The following SPATA6 variants were observed in gnomAD, a reference collection of about 807,000 sequenced individuals.
SPATA6 encodes spermatogenesis associated 6.
Under a neutral mutation model 65.3 loss-of-function variants are expected in SPATA6, and 56 were observed. The observed-to-expected ratio is 0.86, with a 90% CI of 0.69 to 1.07. The LOEUF (loss-of-function observed/expected upper bound fraction) is 1.07, where lower values mean the gene tolerates loss of function less well. Ranked by LOEUF, SPATA6 falls within the 50% of genes least tolerant of loss-of-function variation. The probability of loss-of-function intolerance (pLI) is 0.00; values close to 1 mark genes in which losing one functional copy is unlikely to be tolerated. For missense variants in SPATA6, 590 were observed against 594.8 expected, an observed-to-expected ratio of 0.99 and a Z score of 0.08; for synonymous variants, 199 against 213.2, an observed-to-expected ratio of 0.93 and a Z score of 0.58.
chr1:48,308,510 A>C (rs1279118805), intron 11 of SPATA6, among the ~76,000 whole-genome samples: 1 of 152,098 alleles, frequency 6.6e-6, no homozygotes. Flanking sequence ...TATTTAGCCT[A>C]TCTTTTATAT....
intron 5 of SPATA6, among the ~76,000 whole-genome samples, chr1:48,406,005 GTTCCT>G (rs1651669830): frequency 6.6e-6 from 1 of 152,050 alleles, no homozygotes; most frequent in South Asian, 2.1e-4. Context: ...CTGAGGTGTA[GTTCCT>G]TATGTACAGC....
At chr1:48,283,125 T>C in the SPATA6 span, among the ~76,000 whole-genome samples, 11 of 135,146 alleles carry the variant, frequency 8.1e-5, no homozygotes, top group South Asian at 2.3e-4. Context: ...TAGGTGGGAA[T>C]TGAACAATGA....
chr1:48,286,698 T>C, the SPATA6 span, among the ~76,000 whole-genome samples: 1 of 152,176 alleles, frequency 6.6e-6, no homozygotes, highest in Non-Finnish European at 1.5e-5. Context: ...TCACGTCTTA[T>C]ATTGATATAA....
intron 11 of SPATA6, chr1:48,325,695 C>T (rs557170440): frequency 8.0e-5 from 46 of 572,914 alleles, no homozygotes; most frequent in South Asian, 7.9e-4. Context: ...TCCTCTTCAC[C>T]CGTCTTCTCA....
rs532572256 is a variant in SPATA6, at chr1:48,423,374, G to A, written c.239-10223C>T. ...GGGAAGCTGAGGCAGGAGAACTGCT[G>A]GAACCCAGGAGGTGGAGGTTGCCTT... On this transcript the variant is annotated intron_variant, in intron 3 of 12. Transcript: ENST00000371847. 4.9e-3 allele frequency among the ~76,000 whole-genome samples: 740 copies of A among 151,250 alleles called. 7 individuals are homozygous for A. Among genetic ancestry groups the A allele is most frequent in the Non-Finnish European group, 7.1e-3 (483 of 67,826 alleles).
At chr1:48,356,370 T>A (rs1006167812) in intron 10 of SPATA6, among the ~76,000 whole-genome samples, 2 of 150,832 alleles carry the variant, frequency 1.3e-5, no homozygotes, top group African/African-American at 4.8e-5. Context: ...CTAGTATAGA[T>A]AAACGACTTT....
At chr1:48,415,077 T>C (rs1381401651) in intron 3 of SPATA6, among the ~76,000 whole-genome samples, 1 of 151,908 alleles carries the variant, frequency 6.6e-6, no homozygotes, top group Non-Finnish European at 1.5e-5. Flanking sequence ...AATAGGGCAC[T>C]GAAATGGGAA....
intron 10 of SPATA6, among the ~76,000 whole-genome samples, chr1:48,358,677 T>C (rs893685438): frequency 2.0e-5 from 3 of 152,136 alleles, no homozygotes; most frequent in African/African-American, 7.2e-5. Context: ...TTGATGTTAT[T>C]GTTGTTGTTT....
At position 48,430,308 on chromosome 1, in the gene SPATA6, G is replaced by A. The variant is rs182679029; in HGVS notation, c.239-17157C>T. On this transcript the variant is annotated intron_variant, in intron 3 of 12. Transcript: ENST00000371847. ...GCAGATATCGCATCAGAAACTGGAG[G>A]TCAGAAGGCAGTAGGCTCGTATATA... Among the ~76,000 whole-genome samples the A allele has an allele frequency of 2.0e-5, 3 of 152,192 alleles. No homozygotes were observed. The East Asian group carries it at 5.8e-4, about 29-fold the overall frequency.
At chr1:48,424,749 A>T (rs1237837298) in intron 3 of SPATA6, among the ~76,000 whole-genome samples, 1 of 152,232 alleles carries the variant, frequency 6.6e-6, no homozygotes, top group African/African-American at 2.4e-5. Flanking sequence ...AATGATGTTG[A>T]GCACATTTTC....
intron 12 of SPATA6, among the ~76,000 whole-genome samples, chr1:48,304,366 G>A (rs1645009262): frequency 6.6e-6 from 1 of 152,146 alleles, no homozygotes; most frequent in African/African-American, 2.4e-5. Context: ...GTGATCAAAA[G>A]CTTAATCAAT....
intron 3 of SPATA6, among the ~76,000 whole-genome samples, chr1:48,422,361 C>G (rs1653428205): frequency 6.6e-6 from 1 of 152,146 alleles, no homozygotes; most frequent in Non-Finnish European, 1.5e-5. Context: ...CTAAGAGCAT[C>G]TGCTAATTCT....
At chr1:48,291,659 C>G (rs1385312395), downstream of SPATA6, among the ~76,000 whole-genome samples, 2 of 152,190 alleles carry the variant, frequency 1.3e-5, no homozygotes, top group African/African-American at 4.8e-5. Flanking sequence ...GAACTTGCCC[C>G]AGGCTACAAG....
chr1:48,265,943 C>A, the SPATA6 span, among the ~76,000 whole-genome samples: 3 of 152,192 alleles, frequency 2.0e-5, no homozygotes, highest in South Asian at 6.2e-4. Context: ...AGGAAAAGTT[C>A]TTCACAAATT....
chr1:48,437,836 T>A (rs539343467), intron 3 of SPATA6, among the ~76,000 whole-genome samples: 4 of 151,774 alleles, frequency 2.6e-5, no homozygotes, highest in Non-Finnish European at 5.9e-5. Context: ...TCCTACTTTG[T>A]AAATTATAGA....
intron 5 of SPATA6, 56 bp downstream of exon 5, chr1:48,411,408 G>C: frequency 6.4e-7 from 1 of 1,556,576 alleles, no homozygotes. Flanking sequence ...ACTATGCGGT[G>C]GTTTCTGACA....
At chr1:48,314,007 T>G (rs995517474) in intron 11 of SPATA6, among the ~76,000 whole-genome samples, 4 of 152,190 alleles carry the variant, frequency 2.6e-5, no homozygotes, top group African/African-American at 4.8e-5. Context: ...TAAATACATA[T>G]GCACCCAATA....
rs553845259 is a variant in SPATA6, at chr1:48,304,682, T to A, written c.1286+1105A>T. Among the ~76,000 whole-genome samples the A allele has an allele frequency of 3.9e-5, 6 of 152,216 alleles. No homozygotes were observed. The South Asian group carries it at 1.2e-3, about 32-fold the overall frequency. On this transcript the variant is annotated intron_variant, in intron 12 of 12. Coordinates refer to ENST00000371847, the MANE Select transcript of SPATA6 (RefSeq NM_019073.4). ...TAAAATACAGATTTCCACATCTTACTTATATATAAGAACCAGCATCTATGG... is the reference window on the plus strand; with the variant it reads ...TAAAATACAGATTTCCACATCTTACATATATATAAGAACCAGCATCTATGG...
At chr1:48,299,043 A>G (rs1325038805) in intron 12 of SPATA6, 150 bp from the exon 13 acceptor site, 1 of 689,716 alleles carries the variant, frequency 1.4e-6, no homozygotes, top group African/African-American at 1.8e-5. Context: ...CTGTGCTTTC[A>G]AAGAGGGACA....
Sources: allele counts gnomAD v4.1 joint callset (sites outside exome capture counted in the v4.1 genomes callset), GRCh38; gene constraint gnomAD v4.1.1; transcripts MANE v1.5; gene names NCBI Gene and HGNC (gene_info 2026-07-23, HGNC 2026-07-21).